The following ARL13B variants were observed in gnomAD, a reference collection of about 807,000 sequenced individuals.
ARL13B encodes ARF like GTPase 13B.
In ARL13B, 36 loss-of-function variants were observed where a neutral mutation model predicts 56.1. The observed-to-expected ratio is 0.64, with a 90% CI of 0.49 to 0.85. ARL13B has a LOEUF of 0.85. ARL13B is among the 40% of genes least tolerant of loss of function. The pLI, the probability that ARL13B is intolerant of heterozygous loss-of-function variation, is 0.00. For missense variants in ARL13B, 519 were observed against 507.1 expected (o/e 1.02, Z -0.23); for synonymous variants, 178 against 171.1 (o/e 1.04, Z -0.32).
intron 3 of ARL13B, among the ~76,000 whole-genome samples, chr3:94,021,826 G>T (rs867301605): frequency 6.6e-6 from 1 of 152,086 alleles, no homozygotes; most frequent in African/African-American, 2.4e-5. Context: ...CCAAAGTGTT[G>T]AAGATACCAT....
intron 1 of ARL13B, among the ~76,000 whole-genome samples, 191 bp downstream of exon 1, chr3:93,980,673 G>T (rs868090889): frequency 8.5e-5 from 13 of 152,192 alleles, no homozygotes; most frequent in African/African-American, 3.1e-4. Flanking sequence ...TTTCTGTTGC[G>T]ATTGACAATG....
intron 1 of ARL13B, among the ~76,000 whole-genome samples, chr3:93,992,637 C>T (rs1422353919): frequency 3.3e-5 from 5 of 152,092 alleles, no homozygotes; most frequent in Non-Finnish European, 4.4e-5. Context: ...CAAAAGTAAT[C>T]GCTTTCGTTC....
intron 7 of ARL13B, 125 bp downstream of exon 7, chr3:94,043,365 A>G (rs1244484514): frequency 1.5e-5 from 13 of 864,042 alleles, no homozygotes; most frequent in South Asian, 1.9e-5. Context: ...TTCAAATGCC[A>G]TATTTACCAT....
chr3:94,010,367 G>A (rs1463821832), intron 3 of ARL13B, among the ~76,000 whole-genome samples: 3 of 152,010 alleles, frequency 2.0e-5, no homozygotes, highest in African/African-American at 7.2e-5. Context: ...GAAGAATTAG[G>A]AGAACCTAAT....
At position 93,980,498 on chromosome 3, in the gene ARL13B, C is replaced by G. The variant is rs1291271388; in HGVS notation, c.59+16C>G. 1.9e-6 allele frequency: 3 copies of G among 1,608,874 alleles called. No homozygotes were observed. In the African/African-American group the frequency reaches 4.0e-5, roughly 21 times the overall value. ...AGCCTGTCAGGTAGGCTGGAGCCAG[C>G]TGTCCTGGCCGTCCTAGGGGTTGGA... On this transcript the variant is annotated intron_variant, in intron 1 of 9. Transcript: ENST00000394222.
At chr3:94,013,594 A>G (rs992925725) in intron 3 of ARL13B, among the ~76,000 whole-genome samples, 8 of 152,176 alleles carry the variant, frequency 5.3e-5, no homozygotes, top group Non-Finnish European at 7.3e-5. Flanking sequence ...CTTCAAGTAC[A>G]TAGTTGAGTT....
In ARL13B at chr3:94,049,414, A is replaced by G. The variant is rs2107191077; in HGVS notation, c.1033A>G (p.Lys345Glu). ...TGTTTATATTCTTGTAGCTAATGGTAAAAAGAAAACTAAGAAACTAAGAAT... is the reference window on the plus strand; with the variant it reads ...TGTTTATATTCTTGTAGCTAATGGTGAAAAGAAAACTAAGAAACTAAGAAT... ...DRPSLESANGKKKTKKLRMKR... is the reference protein window; with the variant it reads ...DRPSLESANGEKKTKKLRMKR... Residue 345 changes from lysine (K) to glutamate (E), a missense_variant, in exon 8 of 10, where the codon AAA becomes GAA. Coordinates refer to ENST00000394222, the MANE Select transcript of ARL13B (RefSeq NM_001174150.2). The G allele has an allele frequency of 1.9e-6, 3 of 1,592,560 alleles. No individual in the cohort carries two copies. The highest frequency in any genetic ancestry group is 2.6e-6 in the Non-Finnish European group (3 of 1,164,286).
chr3:93,981,710 C>T (rs1247614748), intron 1 of ARL13B, among the ~76,000 whole-genome samples: 1 of 151,600 alleles, frequency 6.6e-6, no homozygotes, highest in Non-Finnish European at 1.5e-5. Context: ...GGCGAAACCC[C>T]GTTTCTACAA....
At chr3:94,044,626 A>G (rs2076946715) in intron 7 of ARL13B, among the ~76,000 whole-genome samples, 2 of 121,472 alleles carry the variant, frequency 1.6e-5, no homozygotes, top group Non-Finnish European at 1.7e-5. Flanking sequence ...CTGTCTGGGA[A>G]GTGGGGAGCG....
At chr3:93,980,614 T>A in intron 1 of ARL13B, 132 bp downstream of exon 1, 2 of 1,131,988 alleles carry the variant, frequency 1.8e-6, no homozygotes, top group Non-Finnish European at 2.5e-6. Flanking sequence ...ATTCCCAGGG[T>A]GTCCCGGGAG....
At chr3:94,006,119 G>A (rs2076130045) in intron 3 of ARL13B, among the ~76,000 whole-genome samples, 1 of 152,052 alleles carries the variant, frequency 6.6e-6, no homozygotes, top group Admixed American at 6.6e-5. Context: ...GGCTAACATG[G>A]TGAAACTCTG....
At chr3:94,034,636 G>A (rs554508649) in intron 3 of ARL13B, among the ~76,000 whole-genome samples, 114 of 151,984 alleles carry the variant, frequency 7.5e-4, no homozygotes, top group African/African-American at 2.7e-3. Context: ...AATATTAAAA[G>A]TTCAGAATGA....
At chr3:94,048,782 G>A (rs2077022860) in intron 7 of ARL13B, among the ~76,000 whole-genome samples, 1 of 151,702 alleles carries the variant, frequency 6.6e-6, no homozygotes, top group African/African-American at 2.4e-5. Flanking sequence ...CCCCCATAGA[G>A]ATGAGGTCTC....
At chr3:94,052,920 A>C (rs1417616729) in intron 9 of ARL13B, among the ~76,000 whole-genome samples, 1 of 152,154 alleles carries the variant, frequency 6.6e-6, no homozygotes, top group Admixed American at 6.6e-5. Flanking sequence ...CCATTATAAT[A>C]AGTAATATGT....
intron 3 of ARL13B, among the ~76,000 whole-genome samples, chr3:94,033,011 T>G (rs1340863746): frequency 6.6e-6 from 1 of 152,236 alleles, no homozygotes; most frequent in Non-Finnish European, 1.5e-5. Context: ...GTGTGTGTTT[T>G]GTATATACAT....
At chr3:94,034,752 C>T (rs1039569442) in intron 3 of ARL13B, among the ~76,000 whole-genome samples, 27 of 152,118 alleles carry the variant, frequency 1.8e-4, no homozygotes, top group Admixed American at 3.3e-4. Flanking sequence ...TGTTTTGTAG[C>T]TTTTTCTGTT....
At chr3:93,990,390 CAT>C (rs529958064) in intron 1 of ARL13B, among the ~76,000 whole-genome samples, 10 of 150,990 alleles carry the variant, frequency 6.6e-5, no homozygotes, top group East Asian at 1.9e-4. Flanking sequence ...GGAATATTTG[CAT>C]ATATATATAT....
intron 1 of ARL13B, among the ~76,000 whole-genome samples, chr3:93,981,977 A>G (rs1003528486): frequency 1.3e-5 from 2 of 152,100 alleles, no homozygotes; most frequent in Non-Finnish European, 2.9e-5. Flanking sequence ...GTATCTACTA[A>G]GACTTGAGGG....
At chr3:94,051,774 A>G (rs1308716947) in intron 9 of ARL13B, among the ~76,000 whole-genome samples, 1 of 152,124 alleles carries the variant, frequency 6.6e-6, no homozygotes, top group Non-Finnish European at 1.5e-5. Context: ...GCATTACCAT[A>G]TAATTTGAAA....
Sources: gnomAD v4.1 joint callset for allele counts (sites outside exome capture counted in the v4.1 genomes callset) on GRCh38, gnomAD v4.1.1 for gene constraint, MANE v1.5 for transcripts, NCBI Gene and HGNC (gene_info 2026-07-23, HGNC 2026-07-21) for gene names.